Variants in IL1RAPL1 observed in about 807,000 individuals in gnomAD.
The protein encoded by IL1RAPL1 is interleukin 1 receptor accessory protein like 1, also known as interleukin-1 receptor accessory protein-like 1.
Under a neutral mutation model 48.4 loss-of-function variants are expected in IL1RAPL1, and 3 were observed. The ratio of observed to expected loss-of-function variants is 0.06; its 90% CI spans 0.03 to 0.16. IL1RAPL1 has a LOEUF of 0.16. Among genes scored for constraint, IL1RAPL1 ranks in the 10% least tolerant of loss-of-function variants. The pLI, the probability that IL1RAPL1 is intolerant of heterozygous loss-of-function variation, is 1.00. For missense variants in IL1RAPL1, 349 were observed against 530.6 expected (o/e 0.66, Z 3.36); for synonymous variants, 185 against 187.7 (o/e 0.99, Z 0.12).
intron 2 of IL1RAPL1, among the ~76,000 whole-genome samples, chrX:29,247,163 T>C (rs751520469): frequency 1.2e-3 from 131 of 112,179 alleles, no homozygotes; most frequent in Non-Finnish European, 2.0e-3. Context: ...GTAACATATA[T>C]TTTTCTAAAA....
At chrX:29,508,178 T>A (rs1038014560) in intron 5 of IL1RAPL1, among the ~76,000 whole-genome samples, 2 of 111,759 alleles carry the variant, frequency 1.8e-5, no homozygotes, top group Non-Finnish European at 3.8e-5. Context: ...CCTGTGGTTG[T>A]CACTCATTAA....
intron 2 of IL1RAPL1, among the ~76,000 whole-genome samples, chrX:28,956,022 T>C (rs1288448803): frequency 1.3e-4 from 14 of 106,008 alleles, no homozygotes; most frequent in Admixed American, 1.2e-3. Flanking sequence ...TTTTATTCTC[T>C]TTGAAGCAAT....
chrX:29,723,772 A>C (rs1324938190), intron 6 of IL1RAPL1, among the ~76,000 whole-genome samples: 1 of 111,900 alleles, frequency 8.9e-6, no homozygotes, highest in Admixed American at 9.5e-5. Flanking sequence ...TTATATTTCA[A>C]GTTTTCTGAA....
chrX:29,769,441 T>G (rs1340841228), intron 6 of IL1RAPL1, among the ~76,000 whole-genome samples: 2 of 65,880 alleles, frequency 3.0e-5, no homozygotes, highest in Non-Finnish European at 5.6e-5. Context: ...TTTTTTTTTT[T>G]TTTTTTTTTT....
At chrX:29,481,244 C>T (rs66743568) in intron 5 of IL1RAPL1, among the ~76,000 whole-genome samples, 8,316 of 112,405 alleles carry the variant, frequency 0.074, 471 homozygotes, top group African/African-American at 0.19. Flanking sequence ...AAATGGGAGG[C>T]ATGTGCCAAA....
intron 1 of IL1RAPL1, among the ~76,000 whole-genome samples, chrX:28,672,703 A>G (rs2146915174): frequency 9.0e-6 from 1 of 111,623 alleles, no homozygotes; most frequent in East Asian, 2.8e-4. Flanking sequence ...CTTGAAAGGA[A>G]TCCATTATTT....
intron 1 of IL1RAPL1, among the ~76,000 whole-genome samples, chrX:28,725,581 C>T (rs1406171422): frequency 8.9e-6 from 1 of 111,867 alleles, no homozygotes; most frequent in African/African-American, 3.2e-5. Flanking sequence ...TTCACCAACC[C>T]AGAAGTTCTT....
intron 5 of IL1RAPL1, among the ~76,000 whole-genome samples, chrX:29,466,088 G>A (rs1030454319): frequency 5.4e-5 from 6 of 111,709 alleles, no homozygotes; most frequent in African/African-American, 2.0e-4. Context: ...CAATATTTGG[G>A]ACATACACTA....
At chrX:28,921,446 T>C (rs1420618290) in intron 2 of IL1RAPL1, among the ~76,000 whole-genome samples, 6 of 111,863 alleles carry the variant, frequency 5.4e-5, no homozygotes, top group Non-Finnish European at 1.1e-4. Context: ...TGTTTCAAAT[T>C]ACTGGGTGTT....
At chrX:29,496,469 CT>C (rs60141942) in intron 5 of IL1RAPL1, among the ~76,000 whole-genome samples, 959 of 73,231 alleles carry the variant, frequency 0.013, 16 homozygotes, top group African/African-American at 0.042. Flanking sequence ...TTTCTTATTC[CT>C]TTTTTTTTTT....
intron 3 of IL1RAPL1, among the ~76,000 whole-genome samples, chrX:29,375,429 T>C (rs1482409384): frequency 1.8e-5 from 2 of 111,464 alleles, no homozygotes; most frequent in African/African-American, 3.3e-5. Context: ...GCCTCCCAAA[T>C]TGCTGGGATT....
chrX:29,178,551 T>C (rs910923174), intron 2 of IL1RAPL1, among the ~76,000 whole-genome samples: 8 of 111,907 alleles, frequency 7.1e-5, no homozygotes, highest in Non-Finnish European at 1.5e-4. Flanking sequence ...ATGTTGCCTG[T>C]TCACTCTGAT....
At chrX:29,087,318 A>G (rs1324552867) in intron 2 of IL1RAPL1, among the ~76,000 whole-genome samples, 14 of 108,949 alleles carry the variant, frequency 1.3e-4, no homozygotes, top group African/African-American at 4.7e-4. Flanking sequence ...TTGTATTTTT[A>G]GTAGAGACGG....
chrX:28,720,997 A>T (rs761947993), intron 1 of IL1RAPL1, among the ~76,000 whole-genome samples: 14 of 112,312 alleles, frequency 1.2e-4, no homozygotes, highest in African/African-American at 3.9e-4. Flanking sequence ...TCTATCATTG[A>T]TGGACATTTG....
chrX:29,215,674 A>G (rs1414160625), intron 2 of IL1RAPL1, among the ~76,000 whole-genome samples: 1 of 111,785 alleles, frequency 8.9e-6, no homozygotes, highest in Non-Finnish European at 1.9e-5. Flanking sequence ...TAATAATGAA[A>G]AACTTTAATA....
chrX:29,273,194 G>T (rs1281135519), intron 2 of IL1RAPL1, among the ~76,000 whole-genome samples: 1 of 112,152 alleles, frequency 8.9e-6, no homozygotes. Flanking sequence ...GTTGTTTGGA[G>T]GTAAGAAAAC....
rs546731314 is a variant in IL1RAPL1 at position 28,737,114 on chromosome X, TTTCCTTCCTTCCTTCCTTCCTTCC to T, written c.-24-52163_-24-52140del. On this transcript the variant is annotated intron_variant, in intron 1 of 10. Coordinates refer to ENST00000378993, the MANE Select transcript of IL1RAPL1 (RefSeq NM_014271.4). ...TTTTGTTTCTTTTCTTTTCTCTTCT[TTTCCTTCCTTCCTTCCTTCCTTCC>T]TTCCTTCCTTCCTTCCTTCCTTCCT... Among the ~76,000 whole-genome samples, 247 of 36,284 alleles carry T rather than the reference TTTCCTTCCTTCCTTCCTTCCTTCC, an allele frequency of 6.8e-3. 3 individuals carry two copies. Among genetic ancestry groups the T allele is most frequent in the African/African-American group, 0.023 (232 of 10,141 alleles). The allele number at this position is 36,284 out of a possible 115,157, so 31.5% of individuals were successfully genotyped here.
intron 5 of IL1RAPL1, among the ~76,000 whole-genome samples, chrX:29,641,741 A>G (rs1170525970): frequency 8.9e-6 from 1 of 112,024 alleles, no homozygotes; most frequent in Non-Finnish European, 1.9e-5. Flanking sequence ...TTCTATCTCT[A>G]TCTCCACCAG....
rs183869875 is a variant in IL1RAPL1, at chrX:29,812,367, C to A, written c.779-105097C>A. Among the ~76,000 whole-genome samples the A allele has an allele frequency of 3.8e-3, 431 of 111,978 alleles. 3 individuals carry two copies. The highest frequency in any genetic ancestry group is 0.013 in the African/African-American group (405 of 30,894). On this transcript the variant is annotated intron_variant, in intron 6 of 10. Transcript: ENST00000378993. Reference sequence around the variant, plus strand: ...TGAATATGCATTACTTTTCTCATCACATTTTTTTGAAAATGACTAAAAGGA... The same window carrying A: ...TGAATATGCATTACTTTTCTCATCAAATTTTTTTGAAAATGACTAAAAGGA...
Sources: allele counts gnomAD v4.1 joint callset (sites outside exome capture counted in the v4.1 genomes callset), GRCh38; gene constraint gnomAD v4.1.1; transcripts MANE v1.5; gene names NCBI Gene and HGNC (gene_info 2026-07-23, HGNC 2026-07-21).